The following FAM131B variants were observed in gnomAD, a reference collection of about 807,000 sequenced individuals.
FAM131B encodes the protein family with sequence similarity 131 member B.
In FAM131B, 19 loss-of-function variants were observed where a neutral mutation model predicts 42.0. The observed-to-expected ratio is 0.45, with a 90% CI of 0.32 to 0.66. The LOEUF (loss-of-function observed/expected upper bound fraction) is 0.66, where lower values mean the gene tolerates loss of function less well. Among genes scored for constraint, FAM131B ranks in the 30% least tolerant of loss-of-function variants. The probability of loss-of-function intolerance (pLI) is 0.05; values close to 1 mark genes in which losing one functional copy is unlikely to be tolerated. For synonymous variants in FAM131B, 183 were observed against 177.6 expected (o/e 1.03, Z -0.24); for missense variants, 370 against 468.4 (o/e 0.79, Z 1.94).
rs1450628318 is a variant in FAM131B at position 143,359,533 on chromosome 7, A to G, written c.175-114T>C. 2 of 983,104 alleles carry G rather than the reference A, an allele frequency of 2.0e-6. No individual in the cohort carries two copies. The highest frequency in any genetic ancestry group is 1.6e-5 in the African/African-American group (1 of 62,714). 60.9% of individuals were successfully genotyped at this position (983,104 alleles called of 1,614,324 possible). ...AAGCATTCGAGCTAGGGCAGATGAT[A>G]AGAAAAGCTACTATACCCAAGAGTC... On this transcript the variant is annotated intron_variant, in intron 3 of 6. Transcript: ENST00000443739. The surrounding 1 kb of genome is among the most constrained non-coding windows in gnomAD (Gnocchi z 5.4).
At chr7:143,364,768 A>G (rs2116498330), upstream of FAM131B, among the ~76,000 whole-genome samples, 1 of 152,330 alleles carries the variant, frequency 6.6e-6, no homozygotes, top group South Asian at 2.1e-4. Context: ...TCACTAGTTA[A>G]GGCCATTGTC....
rs1803825045 is a variant in FAM131B at position 143,359,112 on chromosome 7, T to TGAGGCTCCATCCCACTGGGC, written c.269-108_269-89dup. 1 of 1,362,788 alleles carries TGAGGCTCCATCCCACTGGGC rather than the reference T, an allele frequency of 7.3e-7. No individual in the cohort carries two copies. Among genetic ancestry groups the TGAGGCTCCATCCCACTGGGC allele is most frequent in the Non-Finnish European group, 1.0e-6 (1 of 986,198 alleles). 84.4% of individuals were successfully genotyped at this position (1,362,788 alleles called of 1,614,324 possible). A position where few individuals can be genotyped will look rare whatever the true frequency, so the allele number is the denominator to read the frequency against. On this transcript the variant is annotated intron_variant, in intron 4 of 6. Coordinates refer to ENST00000443739, the MANE Select transcript of FAM131B (RefSeq NM_001031690.3). This position sits in a 1 kb window ranked among gnomAD's most constrained non-coding sequence, Gnocchi z 5.4. ...CCCAGTTCCTCCCACCCCAGCCCCA[T>TGAGGCTCCATCCCACTGGGC]GAGGCTCCATCCCACTGGGCCAGGC... is the stretch of plus-strand genomic sequence containing the variant.
upstream of FAM131B, chr7:143,364,198 A>G (rs1334673031): frequency 6.6e-6 from 1 of 151,944 alleles, no homozygotes; most frequent in South Asian, 2.1e-4. Flanking sequence ...CATATCTACT[A>G]TTATTGGTTA....
At chr7:143,369,775 CT>C in the FAM131B span, among the ~76,000 whole-genome samples, 1 of 151,652 alleles carries the variant, frequency 6.6e-6, no homozygotes, top group Admixed American at 6.6e-5. Flanking sequence ...TTCTTTCTAA[CT>C]TAGGAGTTCA....
At chr7:143,381,286 C>T in the FAM131B span, 1 of 1,081,490 alleles carries the variant, frequency 9.2e-7, no homozygotes, top group Non-Finnish European at 1.1e-6. Flanking sequence ...TCTCTTCTCC[C>T]TCCCTCCTCC....
the FAM131B span, among the ~76,000 whole-genome samples, chr7:143,367,983 T>A: frequency 1.8e-4 from 27 of 152,362 alleles, no homozygotes; most frequent in Middle Eastern, 3.4e-3. Context: ...CTGCAACCCC[T>A]ACTGCAGATT....
Position 143,359,126 on chromosome 7 carries a change from A to T in FAM131B, c.269-102T>A, listed in dbSNP as rs1803825691. The T allele has an allele frequency of 1.0e-5, 13 of 1,261,188 alleles. No individual in the cohort carries two copies. The highest frequency in any genetic ancestry group is 1.2e-5 in the Non-Finnish European group (11 of 898,262). The allele number at this position is 1,261,188 out of a possible 1,614,324, so 78.1% of individuals were successfully genotyped here. ...CCCCAGCCCCATGAGGCTCCATCCC[A>T]CTGGGCCAGGCTCCCCTAAGGACTC... On this transcript the variant is annotated intron_variant, in intron 4 of 6. Transcript: ENST00000443739. The surrounding 1 kb of genome is among the most constrained non-coding windows in gnomAD (Gnocchi z 5.4).
rs1256566319 is a variant in FAM131B at position 143,358,319 on chromosome 7, T to C, written c.466+508A>G. On this transcript the variant is annotated intron_variant, in intron 5 of 6. Transcript: ENST00000443739. This position sits in a 1 kb window ranked among gnomAD's most constrained non-coding sequence, Gnocchi z 4.7. ...AGCTTGGCCACTCTTGTAGGCACAC[T>C]GCATGCCTGTTATCAGACCTACACT... Among the ~76,000 whole-genome samples the C allele has an allele frequency of 6.6e-6, 1 of 151,770 alleles. No individual in the cohort carries two copies. The highest frequency in any genetic ancestry group is 2.4e-5 in the African/African-American group (1 of 41,228).
the FAM131B span, among the ~76,000 whole-genome samples, chr7:143,368,106 G>T: frequency 0.01 from 1,592 of 152,354 alleles, 37 homozygotes; most frequent in African/African-American, 0.036. Flanking sequence ...TTCCTGGTCA[G>T]GTCCCAAGCA....
the FAM131B span, chr7:143,382,180 T>A: frequency 7.3e-7 from 1 of 1,362,408 alleles, no homozygotes. Flanking sequence ...GTTAGAGCGG[T>A]TAACTGAGGG....
chr7:143,372,524 T>G, the FAM131B span, among the ~76,000 whole-genome samples: 1 of 152,220 alleles, frequency 6.6e-6, no homozygotes, highest in African/African-American at 2.4e-5. Context: ...ATTTAGAACT[T>G]GCTATGCAAT....
rs1226317504 is a variant in FAM131B at position 143,358,851 on chromosome 7, C to T, written c.442G>A (p.Glu148Lys). 4 of 1,613,978 alleles carry T rather than the reference C, an allele frequency of 2.5e-6. No homozygotes were observed. The highest frequency in any genetic ancestry group is 1.7e-5 in the Admixed American group (1 of 59,992). Residue 148 changes from glutamate to lysine, a missense_variant, in exon 5 of 7, where the codon GAG (glutamate) becomes AAG (lysine). Physicochemically the swap from Glu to Lys is moderately conservative, Grantham distance 56. Coordinates refer to ENST00000443739, the MANE Select transcript of FAM131B (RefSeq NM_001031690.3). This position sits in a 1 kb window ranked among gnomAD's most constrained non-coding sequence, Gnocchi z 4.7. Reference protein sequence around the residue: ...TDAYSDLSDGEKEARFLAGVM... With the variant: ...TDAYSDLSDGKKEARFLAGVM... ...CCTGCTAGAAAACGTGCCTCCTTCT[C>T]GCCATCGCTGAGGTCGGAGTAGGCA...
chr7:143,364,732 T>C (rs902569801), upstream of FAM131B, among the ~76,000 whole-genome samples: 5 of 152,242 alleles, frequency 3.3e-5, no homozygotes, highest in African/African-American at 1.2e-4. Flanking sequence ...CCTATAGGTC[T>C]TCTTATACAA....
chr7:143,378,297 C>T, the FAM131B span, among the ~76,000 whole-genome samples: 1 of 152,274 alleles, frequency 6.6e-6, no homozygotes, highest in South Asian at 2.1e-4. Context: ...CTCTTAACTT[C>T]CTACTTTATG....
chr7:143,365,897 C>CCAT (rs974220322), upstream of FAM131B, among the ~76,000 whole-genome samples: 5 of 152,172 alleles, frequency 3.3e-5, no homozygotes, highest in Admixed American at 6.5e-5. Context: ...GCGTGAGCCA[C>CCAT]CACGCCTGGC....
At chr7:143,377,311 C>T in the FAM131B span, among the ~76,000 whole-genome samples, 21 of 152,260 alleles carry the variant, frequency 1.4e-4, no homozygotes, top group Non-Finnish European at 2.6e-4. Context: ...TACAAAAGCA[C>T]GTATACATAT....
intron 6 of FAM131B, 25 bp downstream of exon 6, chr7:143,357,255 G>A (rs762022960): frequency 6.2e-7 from 1 of 1,611,806 alleles, no homozygotes; most frequent in East Asian, 2.2e-5. Flanking sequence ...AGGCTCCAGA[G>A]TTTGGATTCT....
rs905951913 is a variant in FAM131B at position 143,362,168 on chromosome 7, G to A, written c.28+408C>T. 1.1e-5 allele frequency: 3 copies of A among 271,884 alleles called. No homozygotes were observed. Among genetic ancestry groups the A allele is most frequent in the African/African-American group, 2.3e-5 (1 of 43,650 alleles). The allele number at this position is 271,884 out of a possible 1,614,324, so 16.8% of individuals were successfully genotyped here. On this transcript the variant is annotated intron_variant, in intron 1 of 6. Transcript: ENST00000443739. The surrounding 1 kb of genome is among the most constrained non-coding windows in gnomAD (Gnocchi z 7.7). The stretch of plus-strand genomic sequence containing the variant: ...GAAACTCGGGGCTGGCGCGGAGGCC[G>A]AGGGTCCTTCGCGGGGGGCTGCTCC...
the FAM131B span, chr7:143,380,705 C>T: frequency 6.1e-6 from 6 of 985,462 alleles, no homozygotes; most frequent in Non-Finnish European, 7.2e-6. The surrounding 1 kb of genome is among the most constrained non-coding windows in gnomAD (Gnocchi z 5.0). Context: ...CTGGAGGTTC[C>T]GGCTCACACA....
Sources: gnomAD v4.1 joint callset for allele counts (sites outside exome capture counted in the v4.1 genomes callset) on GRCh38, gnomAD v4.1.1 for gene constraint, Gnocchi (gnomAD v3.1) non-coding constraint, MANE v1.5 for transcripts, NCBI Gene and HGNC (gene_info 2026-07-23, HGNC 2026-07-21) for gene names.